Variants in SIPA1L1 observed in about 807,000 individuals in gnomAD.
SIPA1L1 encodes signal induced proliferation associated 1 like 1.
A neutral mutation model predicts 162.7 loss-of-function variants in SIPA1L1; 26 were observed. That is an observed-to-expected ratio of 0.16 (90% CI 0.12 to 0.22). SIPA1L1 has a LOEUF of 0.22. SIPA1L1 is among the 10% of genes least tolerant of loss of function. The pLI is 1.00. For synonymous variants in SIPA1L1, 829 were observed against 837.4 expected (o/e 0.99, Z 0.17); for missense variants, 1,874 against 2,241.0 (o/e 0.84, Z 3.31).
chr14:71,529,536 C>G (rs1017976833), intron 4 of SIPA1L1, among the ~76,000 whole-genome samples, 166 bp downstream of exon 4: 1 of 152,172 alleles, frequency 6.6e-6, no homozygotes, highest in African/African-American at 2.4e-5. Flanking sequence ...GAATCTATAG[C>G]TTTATATACA....
chr14:71,461,364 A>G (rs1435568222), intron 2 of SIPA1L1, among the ~76,000 whole-genome samples: 2 of 152,158 alleles, frequency 1.3e-5, no homozygotes, highest in Non-Finnish European at 2.9e-5. Flanking sequence ...TGTAACCTCC[A>G]TCTCTGCCAC....
chr14:71,422,090 C>A (rs2043226516), intron 2 of SIPA1L1, among the ~76,000 whole-genome samples: 1 of 152,136 alleles, frequency 6.6e-6, no homozygotes, highest in Non-Finnish European at 1.5e-5. Context: ...TATATGAGGA[C>A]GTCTTTCAGT....
At chr14:71,572,992 A>G (rs918831446) in intron 4 of SIPA1L1, among the ~76,000 whole-genome samples, 1 of 152,210 alleles carries the variant, frequency 6.6e-6, no homozygotes, top group Non-Finnish European at 1.5e-5. Context: ...CTTCCACAAC[A>G]GGACTTCAAC....
chr14:71,407,825 C>T (rs199637706), intron 2 of SIPA1L1, among the ~76,000 whole-genome samples: 1 of 152,080 alleles, frequency 6.6e-6, no homozygotes, highest in Non-Finnish European at 1.5e-5. Context: ...TTAGAAAGGA[C>T]AGGTTGACAG....
intron 2 of SIPA1L1, among the ~76,000 whole-genome samples, chr14:71,441,016 C>G (rs963635735): frequency 1.3e-5 from 2 of 152,028 alleles, no homozygotes; most frequent in African/African-American, 2.4e-5. Flanking sequence ...AGTTAAGATT[C>G]AGTGTAAAAA....
intron 21 of SIPA1L1, among the ~76,000 whole-genome samples, chr14:71,734,341 G>C (rs1248794158): frequency 6.6e-6 from 1 of 152,260 alleles, no homozygotes; most frequent in East Asian, 1.9e-4. Context: ...TCCTCAGACT[G>C]GTGCTGATCT....
intron 12 of SIPA1L1, among the ~76,000 whole-genome samples, chr14:71,677,412 A>G (rs900811828): frequency 6.6e-6 from 1 of 152,190 alleles, no homozygotes; most frequent in Non-Finnish European, 1.5e-5. Context: ...ATGTTCTCCC[A>G]TTCTGTAGGT....
intron 2 of SIPA1L1, among the ~76,000 whole-genome samples, chr14:71,455,659 A>C (rs1188978988): frequency 6.6e-6 from 1 of 152,174 alleles, no homozygotes; most frequent in Non-Finnish European, 1.5e-5. Context: ...TGTAGTATTT[A>C]ATCTTTAAAA....
intron 10 of SIPA1L1, among the ~76,000 whole-genome samples, chr14:71,669,406 C>T (rs185282481): frequency 6.6e-6 from 1 of 152,260 alleles, no homozygotes; most frequent in East Asian, 1.9e-4. Context: ...AAAATAAAAT[C>T]ACAGATATTT....
At chr14:71,646,931 A>C (rs2042221172) in intron 7 of SIPA1L1, among the ~76,000 whole-genome samples, 1 of 152,206 alleles carries the variant, frequency 6.6e-6, no homozygotes, top group African/African-American at 2.4e-5. Context: ...ACCTCAAAGC[A>C]ATCCAAAATC....
Position 71,377,599 on chromosome 14 carries a change from T to A in SIPA1L1, c.-465+56418T>A, listed in dbSNP as rs772057737. 3.2e-4 allele frequency among the ~76,000 whole-genome samples: 48 copies of A among 152,108 alleles called. No individual in the cohort carries two copies. Among genetic ancestry groups the A allele is most frequent in the Non-Finnish European group, 1.0e-4 (7 of 68,008 alleles). ...TGGCGGCCGGGCAGAGGCTGCAATC[T>A]CAGCACTTTGGGAGGCCAAGGCAGG... On this transcript the variant is annotated intron_variant, in intron 2 of 23. Coordinates refer to ENST00000381232, the MANE Select transcript of SIPA1L1 (RefSeq NM_001386936.1). The surrounding 1 kb of genome is among the most constrained non-coding windows in gnomAD (Gnocchi z 4.8).
At chr14:71,401,379 TATAAA>T (rs1358130817) in intron 2 of SIPA1L1, among the ~76,000 whole-genome samples, 3 of 151,858 alleles carry the variant, frequency 2.0e-5, no homozygotes, top group Admixed American at 1.3e-4. Context: ...TTTGGATAAA[TATAAA>T]ATAAAAAGGC....
chr14:71,357,681 C>T (rs1192837845), intron 2 of SIPA1L1, among the ~76,000 whole-genome samples: 1 of 152,206 alleles, frequency 6.6e-6, no homozygotes, highest in Non-Finnish European at 1.5e-5. Context: ...CTAGCCTCAG[C>T]CTGCCAAGTA....
intron 10 of SIPA1L1, among the ~76,000 whole-genome samples, chr14:71,670,147 A>G (rs774715266): frequency 1.3e-5 from 2 of 152,186 alleles, no homozygotes; most frequent in Non-Finnish European, 2.9e-5. Flanking sequence ...ATTTCCAGTC[A>G]TGTCAAACTT....
At chr14:71,432,573 A>G (rs2044074992) in intron 2 of SIPA1L1, among the ~76,000 whole-genome samples, 1 of 152,190 alleles carries the variant, frequency 6.6e-6, no homozygotes, top group African/African-American at 2.4e-5. Flanking sequence ...AGCTCTGAGG[A>G]AAGGGATTTC....
chr14:71,696,177 G>A (rs991259428), intron 13 of SIPA1L1, among the ~76,000 whole-genome samples: 10 of 152,200 alleles, frequency 6.6e-5, no homozygotes, highest in Admixed American at 5.2e-4. Context: ...TACAGTGCCA[G>A]TGGGTGATTG....
intron 2 of SIPA1L1, among the ~76,000 whole-genome samples, chr14:71,451,110 A>T (rs934817858): frequency 6.6e-6 from 1 of 152,198 alleles, no homozygotes; most frequent in Non-Finnish European, 1.5e-5. Flanking sequence ...AATAACATGG[A>T]TGAACCTGGA....
intron 5 of SIPA1L1, among the ~76,000 whole-genome samples, chr14:71,601,130 A>T (rs531505001): frequency 1.3e-5 from 2 of 152,048 alleles, no homozygotes; most frequent in East Asian, 3.9e-4. Flanking sequence ...AACTTCCAAT[A>T]CTGTATTGGA....
intron 2 of SIPA1L1, among the ~76,000 whole-genome samples, chr14:71,421,443 A>G (rs2043182831): frequency 6.6e-6 from 1 of 151,996 alleles, no homozygotes. Flanking sequence ...AAACGAGAAA[A>G]AAAAAGGTAG....
Sources: gnomAD v4.1 joint callset for allele counts (sites outside exome capture counted in the v4.1 genomes callset) on GRCh38, gnomAD v4.1.1 for gene constraint, Gnocchi (gnomAD v3.1) non-coding constraint, MANE v1.5 for transcripts, NCBI Gene and HGNC (gene_info 2026-07-23, HGNC 2026-07-21) for gene names.